The following MCTP1 variants were observed in gnomAD, a reference collection of about 807,000 sequenced individuals.
MCTP1 encodes multiple C2 and transmembrane domain-containing protein 1.
MCTP1 carries 69 observed loss-of-function variants against 120.6 expected under a neutral mutation model. That is an observed-to-expected ratio of 0.57 (90% CI 0.47 to 0.70). MCTP1 has a LOEUF of 0.70. MCTP1 is among the 30% of genes least tolerant of loss of function. The pLI, the probability that MCTP1 is intolerant of heterozygous loss-of-function variation, is 0.00. For missense variants in MCTP1, 1,203 were observed against 1,248.8 expected (o/e 0.96, Z 0.55); for synonymous variants, 529 against 493.1 (o/e 1.07, Z -0.96).
At chr5:94,786,544 T>C (rs1777745613) in intron 18 of MCTP1, among the ~76,000 whole-genome samples, 1 of 152,194 alleles carries the variant, frequency 6.6e-6, no homozygotes, top group African/African-American at 2.4e-5. Context: ...ATGAAAAGAA[T>C]GTTCACGAAA....
intron 1 of MCTP1, among the ~76,000 whole-genome samples, chr5:95,276,419 A>C (rs2152740058): frequency 6.6e-6 from 1 of 151,312 alleles, no homozygotes; most frequent in East Asian, 2.0e-4. Flanking sequence ...CTCAACACCC[A>C]GCTAATTTTT....
At chr5:95,135,032 CCTT>C (rs1263964558) in intron 1 of MCTP1, among the ~76,000 whole-genome samples, 1 of 89,880 alleles carries the variant, frequency 1.1e-5, no homozygotes, top group African/African-American at 4.0e-5. Context: ...AAAAAAAATT[CCTT>C]CTTTTTCCAG....
chr5:94,758,691 C>T (rs1057244664), intron 19 of MCTP1, among the ~76,000 whole-genome samples: 10 of 152,020 alleles, frequency 6.6e-5, no homozygotes, highest in African/African-American at 2.2e-4. Flanking sequence ...TTTTTCATAT[C>T]AACTGTTTTA....
intron 8 of MCTP1, among the ~76,000 whole-genome samples, chr5:94,916,340 C>T (rs1810047507): frequency 6.6e-6 from 1 of 151,968 alleles, no homozygotes; most frequent in Non-Finnish European, 1.5e-5. Context: ...CATGTTTCTC[C>T]CTCTCTGGGA....
intron 1 of MCTP1, among the ~76,000 whole-genome samples, chr5:95,154,742 T>C (rs1744905914): frequency 6.6e-6 from 1 of 152,076 alleles, no homozygotes. Flanking sequence ...CCAATAAAAC[T>C]AGACTATCGA....
intron 17 of MCTP1, among the ~76,000 whole-genome samples, chr5:94,825,121 T>C (rs1414764978): frequency 6.6e-6 from 1 of 152,186 alleles, no homozygotes; most frequent in Admixed American, 6.5e-5. Context: ...GTTCTTTTAA[T>C]TGTGATGTTA....
intron 10 of MCTP1, among the ~76,000 whole-genome samples, chr5:94,899,797 C>A (rs1053530895): frequency 3.9e-5 from 6 of 152,196 alleles, no homozygotes; most frequent in African/African-American, 1.4e-4. Flanking sequence ...GAAACAGTGA[C>A]CAATCCATGA....
At chr5:95,136,889 T>G (rs1024523611) in intron 1 of MCTP1, among the ~76,000 whole-genome samples, 1 of 152,210 alleles carries the variant, frequency 6.6e-6, no homozygotes, top group Non-Finnish European at 1.5e-5. Context: ...AACTTCAGAC[T>G]CTTGCCTGGA....
intron 1 of MCTP1, among the ~76,000 whole-genome samples, chr5:95,058,621 T>C (rs987507868): frequency 1.3e-5 from 2 of 152,114 alleles, no homozygotes; most frequent in Non-Finnish European, 2.9e-5. Context: ...AAACTTAAAC[T>C]ATACCACTTC....
chr5:95,016,893 T>A (rs1837224576), intron 2 of MCTP1, among the ~76,000 whole-genome samples: 1 of 152,090 alleles, frequency 6.6e-6, no homozygotes, highest in East Asian at 1.9e-4. Context: ...ACCATGAGAC[T>A]ACTGCCAGAT....
At chr5:94,855,900 C>T (rs879330986) in intron 17 of MCTP1, among the ~76,000 whole-genome samples, 12 of 151,560 alleles carry the variant, frequency 7.9e-5, no homozygotes, top group Non-Finnish European at 1.6e-4. Context: ...TTTTACATAA[C>T]AATATAATAT....
intron 1 of MCTP1, among the ~76,000 whole-genome samples, chr5:95,047,411 G>T (rs1030722607): frequency 3.3e-5 from 5 of 152,112 alleles, no homozygotes; most frequent in South Asian, 4.1e-4. Flanking sequence ...CCTGGGAAGA[G>T]ATTTTTGCTC....
At chr5:95,085,032 C>A (rs1158045911) in intron 1 of MCTP1, among the ~76,000 whole-genome samples, 1 of 152,110 alleles carries the variant, frequency 6.6e-6, no homozygotes, top group Non-Finnish European at 1.5e-5. Context: ...TCTAAGCCCA[C>A]TGATCCTAGT....
At chr5:95,278,962 C>CAAAAAAAAA (rs113219166) in intron 1 of MCTP1, among the ~76,000 whole-genome samples, 89 of 80,944 alleles carry the variant, frequency 1.1e-3, no homozygotes, top group African/African-American at 3.4e-3. Flanking sequence ...AACTCCGTCT[C>CAAAAAAAAA]AAAAAAAAAA....
intron 3 of MCTP1, among the ~76,000 whole-genome samples, chr5:94,948,888 C>T (rs1342572898): frequency 1.3e-5 from 2 of 151,978 alleles, no homozygotes; most frequent in East Asian, 1.9e-4. Context: ...TATAAGCTAC[C>T]GAGAAATAAT....
intron 1 of MCTP1, among the ~76,000 whole-genome samples, chr5:95,165,483 T>C (rs1415500040): frequency 1.3e-5 from 2 of 152,230 alleles, no homozygotes; most frequent in African/African-American, 2.4e-5. Context: ...TATCAATCTA[T>C]GTGAAAGATC....
chr5:94,958,458 A>C (rs1823254633), intron 2 of MCTP1, among the ~76,000 whole-genome samples: 1 of 139,332 alleles, frequency 7.2e-6, no homozygotes, highest in South Asian at 2.2e-4. Flanking sequence ...AAAAACCCTT[A>C]AAAAAATCAA....
At chr5:95,001,953 G>C (rs1252195297) in intron 2 of MCTP1, among the ~76,000 whole-genome samples, 2 of 152,132 alleles carry the variant, frequency 1.3e-5, no homozygotes, top group Non-Finnish European at 2.9e-5. Flanking sequence ...ATTATTTCAT[G>C]GGCTGGACCC....
intron 1 of MCTP1, chr5:95,081,339 A>AT (rs1298366751): frequency 7.5e-6 from 9 of 1,206,240 alleles, no homozygotes; most frequent in Non-Finnish European, 1.1e-5. Flanking sequence ...GTGAGAAGGC[A>AT]TTTTTCTAAG....
Sources: allele counts gnomAD v4.1 joint callset (sites outside exome capture counted in the v4.1 genomes callset), GRCh38; gene constraint gnomAD v4.1.1; transcripts MANE v1.5; gene names NCBI Gene and HGNC (gene_info 2026-07-23, HGNC 2026-07-21).